Variants in TBX19 observed in about 807,000 individuals in gnomAD.
TBX19 encodes the protein T-box transcription factor 19, also known as T-box transcription factor TBX19.
In TBX19, 33 loss-of-function variants were observed where a neutral mutation model predicts 40.9. The ratio of observed to expected loss-of-function variants is 0.81; its 90% CI spans 0.61 to 1.08. The LOEUF (loss-of-function observed/expected upper bound fraction) is 1.08. Among genes scored for constraint, TBX19 ranks in the 50% least tolerant of loss-of-function variants. The probability of loss-of-function intolerance (pLI) is 0.00; values close to 1 mark genes in which losing one functional copy is unlikely to be tolerated. For missense variants in TBX19, 494 were observed against 574.0 expected (o/e 0.86, Z 1.42); for synonymous variants, 220 against 225.0 (o/e 0.98, Z 0.20).
chr1:168,304,191 G>A (rs1080628), intron 5 of TBX19, among the ~76,000 whole-genome samples: 104,040 of 152,138 alleles, frequency 0.68, 35,850 homozygotes, highest in Non-Finnish European at 0.73. Flanking sequence ...GCCATTTTGG[G>A]GACAGAGCTC....
intron 1 of TBX19, among the ~76,000 whole-genome samples, chr1:168,284,750 CAG>C (rs1453258814): frequency 9.4e-6 from 1 of 106,446 alleles, no homozygotes; most frequent in African/African-American, 3.8e-5. Context: ...GCCTGGGCAA[CAG>C]AGTGAGACCG....
chr1:168,296,314 C>G (rs1343542431), intron 3 of TBX19, among the ~76,000 whole-genome samples: 1 of 152,146 alleles, frequency 6.6e-6, no homozygotes, highest in African/African-American at 2.4e-5. Flanking sequence ...TGTATTAGCC[C>G]ATTTTCACGC....
intron 5 of TBX19, among the ~76,000 whole-genome samples, chr1:168,303,807 G>A (rs1288645881): frequency 2.0e-5 from 3 of 152,180 alleles, no homozygotes; most frequent in Non-Finnish European, 4.4e-5. Context: ...TCCTGACATT[G>A]CCATGGCATT....
In TBX19 at chr1:168,312,757, G is replaced by T. The variant is rs138278388; in HGVS notation, c.1102G>T (p.Gly368Trp). The T allele has an allele frequency of 4.3e-6, 7 of 1,614,042 alleles. No homozygotes were observed. The African/African-American group carries it at 9.3e-5, about 22-fold the overall frequency. Reference protein sequence around the residue: ...TISNGAGGPSGPGPEVHASTP... With the variant: ...TISNGAGGPSWPGPEVHASTP... ...CAGCAATGGTGCCGGAGGCCCCAGTGGGCCAGGCCCGGAGGTGCACGCCAG... is the reference window on the plus strand; with the variant it reads ...CAGCAATGGTGCCGGAGGCCCCAGTTGGCCAGGCCCGGAGGTGCACGCCAG... The change falls in exon 8 of 8, where the codon GGG becomes TGG. Residue 368 changes from glycine to tryptophan, a missense_variant. Around this residue, in one of 3 missense-constraint regions of TBX19, gnomAD observed 284 missense variants for 307.3 expected, o/e 0.92. Coordinates refer to ENST00000367821, the MANE Select transcript of TBX19 (RefSeq NM_005149.3).
intron 1 of TBX19, among the ~76,000 whole-genome samples, chr1:168,282,948 A>G (rs1648700569): frequency 2.0e-5 from 3 of 152,216 alleles, no homozygotes; most frequent in African/African-American, 7.2e-5. Context: ...ATAAATTCCA[A>G]TTTAATAATA....
At chr1:168,305,316 A>C (rs538592028) in intron 6 of TBX19, 120 bp downstream of exon 6, 45 of 849,378 alleles carry the variant, frequency 5.3e-5, no homozygotes, top group Middle Eastern at 3.5e-4. Context: ...TCTAATATAC[A>C]TCTATGATAT....
chr1:168,295,035 C>T (rs150485192), intron 3 of TBX19, among the ~76,000 whole-genome samples: 2 of 152,054 alleles, frequency 1.3e-5, no homozygotes, highest in South Asian at 2.1e-4. Flanking sequence ...GCTCACGTCT[C>T]TAATCCCAGC....
intron 1 of TBX19, 98 bp downstream of exon 1, chr1:168,281,391 G>A (rs960646763): frequency 2.1e-5 from 24 of 1,138,196 alleles, no homozygotes; most frequent in South Asian, 6.3e-5. Flanking sequence ...ACTCAGAGGC[G>A]GCGGGATCTG....
intron 3 of TBX19, 110 bp downstream of exon 3, chr1:168,293,388 G>GT: frequency 7.2e-7 from 1 of 1,384,904 alleles, no homozygotes; most frequent in Non-Finnish European, 9.8e-7. Flanking sequence ...TGAAAGGTAG[G>GT]TTTTCCAGGA....
chr1:168,295,391 C>G lies in TBX19; in HGVS notation c.603+2113C>G, dbSNP rs371399295. Among the ~76,000 whole-genome samples the G allele has an allele frequency of 8.2e-4, 125 of 152,288 alleles. 1 individual carries two copies. In the East Asian group the frequency reaches 9.3e-3, roughly 11 times the overall value. ...CACTCAGCCAACTGAGTCAGAATCT[C>G]CAAGGATGATGCTCAGATTCTGTAG... On this transcript the variant is annotated intron_variant, in intron 3 of 7. Transcript: ENST00000367821.
Position 168,312,907 on chromosome 1 carries a change from G to A in TBX19, c.1252G>A (p.Val418Met), listed in dbSNP as rs1649560738. 2 of 1,614,248 alleles carry A rather than the reference G, an allele frequency of 1.2e-6. No homozygotes were observed. Among genetic ancestry groups the A allele is most frequent in the East Asian group, 2.2e-5 (1 of 44,884 alleles). ...GGAGCCCTCGCTAACCAGCATTGCT[G>A]TGTCCACCTGGACAGCAGTGGCCTC... ...LGEPSLTSIA[V>M]STWTAVASHP... Residue 418 changes from valine to methionine, a missense_variant, in exon 8 of 8, where the codon GTG becomes ATG. By Grantham distance (21) the Val-to-Met change is conservative. Coordinates refer to ENST00000367821, the MANE Select transcript of TBX19 (RefSeq NM_005149.3).
At chr1:168,308,904 A>G in intron 7 of TBX19, 27 bp downstream of exon 7, 2 of 1,613,946 alleles carry the variant, frequency 1.2e-6, no homozygotes, top group South Asian at 1.1e-5. Flanking sequence ...CAACTCGCTC[A>G]TTGGTCGTCT....
At chr1:168,281,425 C>A in intron 1 of TBX19, 132 bp downstream of exon 1, 1 of 837,796 alleles carries the variant, frequency 1.2e-6, no homozygotes, top group South Asian at 1.4e-5. Context: ...ACAGGAACGA[C>A]TGTCTCCAAT....
At chr1:168,298,611 C>G (rs1057013487) in intron 4 of TBX19, among the ~76,000 whole-genome samples, 1 of 152,120 alleles carries the variant, frequency 6.6e-6, no homozygotes, top group African/African-American at 2.4e-5. Flanking sequence ...TTTCTTCCTT[C>G]CTTTCTCTCT....
chr1:168,301,306 A>G (rs912561806), intron 5 of TBX19, among the ~76,000 whole-genome samples: 5 of 151,986 alleles, frequency 3.3e-5, no homozygotes, highest in African/African-American at 9.7e-5. Flanking sequence ...TCTGTTGCCC[A>G]GGCTGGAGTG....
intron 1 of TBX19, among the ~76,000 whole-genome samples, chr1:168,286,985 G>A (rs1264825779): frequency 6.6e-6 from 1 of 152,220 alleles, no homozygotes; most frequent in Non-Finnish European, 1.5e-5. Flanking sequence ...GGCTGATGAG[G>A]TTAAGCATCT....
chr1:168,285,987 TTGAC>T (rs1265770090), intron 1 of TBX19, among the ~76,000 whole-genome samples: 8 of 152,210 alleles, frequency 5.3e-5, no homozygotes, highest in African/African-American at 1.9e-4. Flanking sequence ...CTTAGGCAAG[TTGAC>T]TGACTTTTAT....
chr1:168,290,427 G>A (rs1413289208), intron 1 of TBX19, among the ~76,000 whole-genome samples: 1 of 152,212 alleles, frequency 6.6e-6, no homozygotes, highest in Admixed American at 6.5e-5. Context: ...ACGTCCCCAC[G>A]CTTTCTTCAA....
intron 7 of TBX19, 45 bp from the exon 8 acceptor site, chr1:168,312,663 G>A (rs1649551940): frequency 1.9e-6 from 3 of 1,600,330 alleles, no homozygotes; most frequent in South Asian, 2.2e-5. Context: ...TCCTTCCTTG[G>A]AGTGCCAGTG....
Sources: allele counts gnomAD v4.1 joint callset (sites outside exome capture counted in the v4.1 genomes callset), GRCh38; gene constraint gnomAD v4.1.1; regional missense constraint gnomAD v4.1.1; transcripts MANE v1.5; gene names NCBI Gene and HGNC (gene_info 2026-07-23, HGNC 2026-07-21).